Variants in CCDC91 observed in about 807,000 individuals in gnomAD.
CCDC91 encodes the protein coiled-coil domain containing 91.
A neutral mutation model predicts 63.2 loss-of-function variants in CCDC91; 48 were observed. The ratio of observed to expected loss-of-function variants is 0.76; its 90% CI spans 0.60 to 0.97. CCDC91 has a LOEUF of 0.97. CCDC91 is among the 50% of genes least tolerant of loss of function. The pLI, the probability that CCDC91 is intolerant of heterozygous loss-of-function variation, is 0.00. For missense variants in CCDC91, 500 were observed against 494.6 expected, an observed-to-expected ratio of 1.01 and a Z score of -0.10; for synonymous variants, 167 against 165.8, an observed-to-expected ratio of 1.01 and a Z score of -0.06.
chr12:28,429,901 T>A (rs1030662468), intron 8 of CCDC91, among the ~76,000 whole-genome samples: 1 of 152,082 alleles, frequency 6.6e-6, no homozygotes, highest in Non-Finnish European at 1.5e-5. Context: ...CTGTAATGTA[T>A]TTTTAAGAAC....
At chr12:28,236,545 A>G (rs1944961406) in intron 1 of CCDC91, 1 of 151,992 alleles carries the variant, frequency 6.6e-6, no homozygotes, top group Admixed American at 6.6e-5. Flanking sequence ...AAAATACTAA[A>G]TATAAAAGTT....
chr12:28,209,161 C>T (rs575817015), intron 1 of CCDC91, among the ~76,000 whole-genome samples: 71 of 152,252 alleles, frequency 4.7e-4, no homozygotes, highest in African/African-American at 1.7e-3. Context: ...CCAAATTTCA[C>T]CCTTGCATTA....
At chr12:28,334,586 G>A (rs1298056606) in intron 6 of CCDC91, among the ~76,000 whole-genome samples, 1 of 152,122 alleles carries the variant, frequency 6.6e-6, no homozygotes, top group African/African-American at 2.4e-5. Flanking sequence ...CTGTATTAGG[G>A]TTTGGGAACA....
At chr12:28,449,852 A>G (rs1949713320) in intron 8 of CCDC91, among the ~76,000 whole-genome samples, 1 of 151,832 alleles carries the variant, frequency 6.6e-6, no homozygotes, top group Non-Finnish European at 1.5e-5. Flanking sequence ...TTAGTGAGTA[A>G]TTTTTCGAAA....
intron 7 of CCDC91, among the ~76,000 whole-genome samples, chr12:28,379,754 C>G (rs1328673071): frequency 6.6e-6 from 1 of 152,148 alleles, no homozygotes; most frequent in Non-Finnish European, 1.5e-5. Flanking sequence ...GGTGATTCCT[C>G]AAGGATCTAG....
chr12:28,416,214 A>G lies in CCDC91; in HGVS notation c.762+24803A>G, dbSNP rs531745244. Among the ~76,000 whole-genome samples the G allele has an allele frequency of 2.6e-5, 4 of 152,248 alleles. No homozygotes were observed. In the South Asian group the frequency reaches 8.3e-4, roughly 32 times the overall value. On this transcript the variant is annotated intron_variant, in intron 8 of 12. Coordinates refer to ENST00000536442, the MANE Select transcript of CCDC91 (RefSeq NM_018318.5). ...AGCATTATTTTTGTCAGTAAGTGTT[A>G]TATCCCCACAACTATTATCATTGTT...
In CCDC91 at chr12:28,206,022, G is replaced by A. The variant is rs548274043; in HGVS notation, c.-15+15381G>A. Among the ~76,000 whole-genome samples, 23 of 152,288 alleles carry A rather than the reference G, an allele frequency of 1.5e-4. No homozygotes were observed. The South Asian group carries it at 1.9e-3, about 12-fold the overall frequency. ...AGAACAGTGAGTTTTGCAAAGGTAG[G>A]AACAAGAGTACCTCCTTATGCTGGA... is the stretch of plus-strand genomic sequence containing the variant. On this transcript the variant is annotated intron_variant, in intron 1 of 12. Coordinates refer to ENST00000536442, the MANE Select transcript of CCDC91 (RefSeq NM_018318.5).
chr12:28,253,021 A>G (rs1181613348), intron 1 of CCDC91, among the ~76,000 whole-genome samples: 1 of 152,226 alleles, frequency 6.6e-6, no homozygotes, highest in Admixed American at 6.5e-5. Flanking sequence ...AGTAAGTGGC[A>G]GAGCTGGAAT....
intron 8 of CCDC91, among the ~76,000 whole-genome samples, chr12:28,395,527 A>G (rs191093228): frequency 1.6e-3 from 251 of 152,266 alleles, no homozygotes; most frequent in Non-Finnish European, 2.5e-3. Flanking sequence ...GAACTCGGGG[A>G]AACATTTTAC....
chr12:28,338,364 A>C (rs1311746816), intron 6 of CCDC91, among the ~76,000 whole-genome samples: 1 of 151,248 alleles, frequency 6.6e-6, no homozygotes, highest in Non-Finnish European at 1.5e-5. Flanking sequence ...ACATGTGCAC[A>C]ATGTGCAGGT....
chr12:28,367,613 A>C (rs1161594737), intron 7 of CCDC91, among the ~76,000 whole-genome samples: 1 of 152,214 alleles, frequency 6.6e-6, no homozygotes, highest in Non-Finnish European at 1.5e-5. Flanking sequence ...ATTTGGCAAA[A>C]GATAATACTG....
chr12:28,362,263 T>C (rs1195890488), intron 6 of CCDC91, among the ~76,000 whole-genome samples, 175 bp from the exon 7 acceptor site: 1 of 146,344 alleles, frequency 6.8e-6, no homozygotes, highest in Non-Finnish European at 1.5e-5. Context: ...TGTTCTCCAA[T>C]GCTTTTAAGC....
At chr12:28,299,588 A>T (rs982563000) in intron 3 of CCDC91, among the ~76,000 whole-genome samples, 1 of 151,572 alleles carries the variant, frequency 6.6e-6, no homozygotes, top group Non-Finnish European at 1.5e-5. Flanking sequence ...AAAAGTTGAG[A>T]ACTGTATTAA....
chr12:28,268,063 T>TTAA (rs559861610), intron 3 of CCDC91, among the ~76,000 whole-genome samples: 1 of 142,894 alleles, frequency 7.0e-6, no homozygotes, highest in Non-Finnish European at 1.5e-5. Flanking sequence ...TTAAAAATAA[T>TTAA]TAATAATAAT....
intron 11 of CCDC91, among the ~76,000 whole-genome samples, chr12:28,477,619 C>A (rs1256256695): frequency 6.6e-6 from 1 of 152,100 alleles, no homozygotes; most frequent in African/African-American, 2.4e-5. Flanking sequence ...CTGGCCGGGG[C>A]AATCAGGCAG....
chr12:28,238,877 T>G (rs1945140797), intron 1 of CCDC91, among the ~76,000 whole-genome samples: 3 of 152,050 alleles, frequency 2.0e-5, no homozygotes. Context: ...CCCAGCACTT[T>G]GGGAGGTCAA....
chr12:28,217,434 A>G (rs1365489623), intron 1 of CCDC91, among the ~76,000 whole-genome samples: 1 of 152,164 alleles, frequency 6.6e-6, no homozygotes, highest in Non-Finnish European at 1.5e-5. Flanking sequence ...TCAAGCTTGT[A>G]TTCATTTTTA....
chr12:28,317,700 T>C (rs1177920842), intron 6 of CCDC91, among the ~76,000 whole-genome samples: 2 of 151,982 alleles, frequency 1.3e-5, no homozygotes, highest in African/African-American at 4.8e-5. Flanking sequence ...GAGAAGATGA[T>C]GAACTAGTTT....
intron 8 of CCDC91, among the ~76,000 whole-genome samples, chr12:28,444,334 A>T (rs549993763): frequency 6.6e-6 from 1 of 152,318 alleles, no homozygotes; most frequent in South Asian, 2.1e-4. Context: ...TTCGTATTTC[A>T]ATTGTGATGG....
Sources: gnomAD v4.1 joint callset for allele counts (sites outside exome capture counted in the v4.1 genomes callset) on GRCh38, gnomAD v4.1.1 for gene constraint, MANE v1.5 for transcripts, NCBI Gene and HGNC (gene_info 2026-07-23, HGNC 2026-07-21) for gene names.